The following SLC38A11 variants were observed in gnomAD, a reference collection of about 807,000 sequenced individuals.
The protein encoded by SLC38A11 is putative sodium-coupled neutral amino acid transporter 11.
In SLC38A11, 51 loss-of-function variants were observed where a neutral mutation model predicts 49.4. That is an observed-to-expected ratio of 1.03 (90% CI 0.83 to 1.30). The LOEUF (loss-of-function observed/expected upper bound fraction) is 1.30, where lower values mean the gene tolerates loss of function less well. SLC38A11 is among the 50% of genes most tolerant of loss of function. The probability of loss-of-function intolerance (pLI) is 0.00; values close to 1 mark genes in which losing one functional copy is unlikely to be tolerated. For synonymous variants in SLC38A11, 203 were observed against 192.9 expected (o/e 1.05, Z -0.43); for missense variants, 574 against 556.2 (o/e 1.03, Z -0.32).
chr2:164,907,326 T>G (rs1298522374), intron 11 of SLC38A11, among the ~76,000 whole-genome samples: 3 of 141,576 alleles, frequency 2.1e-5, no homozygotes, highest in Non-Finnish European at 3.0e-5. Context: ...CAGGCTGGAG[T>G]GCAGTGGTGC....
At chr2:164,899,164 A>C (rs912900820) in intron 11 of SLC38A11, among the ~76,000 whole-genome samples, 5 of 152,140 alleles carry the variant, frequency 3.3e-5, no homozygotes, top group African/African-American at 4.8e-5. Flanking sequence ...AATTTTGGGA[A>C]ATTGTATAGG....
intron 3 of SLC38A11, among the ~76,000 whole-genome samples, chr2:164,945,961 C>A (rs1213638526): frequency 6.6e-6 from 1 of 152,232 alleles, no homozygotes; most frequent in African/African-American, 2.4e-5. Context: ...TTAACATACC[C>A]ATGCAAAGAA....
At chr2:164,908,954 A>G (rs1685212022) in intron 10 of SLC38A11, among the ~76,000 whole-genome samples, 183 bp from the exon 11 acceptor site, 2 of 152,186 alleles carry the variant, frequency 1.3e-5, no homozygotes, top group East Asian at 1.9e-4. Flanking sequence ...ACACATATCA[A>G]TAACAAGTAT....
chr2:164,908,054 A>G (rs1262487178), intron 11 of SLC38A11: 2 of 152,188 alleles, frequency 1.3e-5, no homozygotes, highest in Non-Finnish European at 2.9e-5. Context: ...GAGGACTTCT[A>G]TTTGGTTGAT....
chr2:164,944,849 C>T (rs10930141), intron 4 of SLC38A11, among the ~76,000 whole-genome samples: 59,811 of 151,928 alleles, frequency 0.39, 12,963 homozygotes, highest in South Asian at 0.69. Flanking sequence ...TTTCTCTTTA[C>T]AAGTTGATTC....
In SLC38A11 at chr2:164,909,690, A is replaced by G. The variant is rs1287776487; in HGVS notation, c.964-919T>C. ...AAAGAGCAAAGAGGTAATAACAGGA[A>G]CAATACCTATGGAGGATAAAGAGAA... On this transcript the variant is annotated intron_variant, in intron 10 of 11. Coordinates refer to ENST00000685975, the MANE Select transcript of SLC38A11 (RefSeq NM_001351537.2). 2.6e-5 allele frequency among the ~76,000 whole-genome samples: 4 copies of G among 151,940 alleles called. No individual in the cohort carries two copies. In the East Asian group the frequency reaches 5.8e-4, roughly 22 times the overall value.
intron 7 of SLC38A11, among the ~76,000 whole-genome samples, chr2:164,926,185 A>T (rs1427134763): frequency 6.6e-6 from 1 of 152,168 alleles, no homozygotes; most frequent in Non-Finnish European, 1.5e-5. Flanking sequence ...AGAGAAGTCC[A>T]ATTAAAATTG....
chr2:164,932,237 A>G (rs957888273), intron 7 of SLC38A11, among the ~76,000 whole-genome samples: 4 of 152,132 alleles, frequency 2.6e-5, no homozygotes, highest in African/African-American at 9.6e-5. Context: ...CACAATGGCT[A>G]TTATTTAAAA....
intron 9 of SLC38A11, 151 bp from the exon 10 acceptor site, chr2:164,911,899 A>G (rs1339160097): frequency 2.1e-6 from 1 of 484,496 alleles, no homozygotes; most frequent in African/African-American, 2.0e-5. Context: ...ATATTTTTCT[A>G]TGTTTAGATA....
At chr2:164,952,658 T>C in intron 3 of SLC38A11, 49 bp downstream of exon 3, 1 of 1,169,938 alleles carries the variant, frequency 8.5e-7, no homozygotes, top group Non-Finnish European at 1.3e-6. Context: ...ATGTGTGTAG[T>C]TATTGCACAG....
chr2:164,901,602 T>C (rs767997805), intron 11 of SLC38A11, among the ~76,000 whole-genome samples: 2 of 152,206 alleles, frequency 1.3e-5, no homozygotes, highest in Non-Finnish European at 2.9e-5. Flanking sequence ...TGTATGTTGG[T>C]TTTATATCCT....
chr2:164,947,854 C>T (rs1688244644), intron 3 of SLC38A11, among the ~76,000 whole-genome samples: 1 of 152,062 alleles, frequency 6.6e-6, no homozygotes, highest in Non-Finnish European at 1.5e-5. Context: ...TATGGTAGAG[C>T]TTTGGCCTTC....
chr2:164,923,821 G>T (rs930315895), intron 7 of SLC38A11, among the ~76,000 whole-genome samples: 3 of 151,532 alleles, frequency 2.0e-5, no homozygotes, highest in African/African-American at 7.3e-5. Flanking sequence ...AAAAACAAAT[G>T]TTAGTGGGGC....
intron 7 of SLC38A11, among the ~76,000 whole-genome samples, chr2:164,921,322 T>C (rs985375956): frequency 2.0e-5 from 3 of 152,156 alleles, no homozygotes; most frequent in Non-Finnish European, 4.4e-5. Flanking sequence ...TAATAAATTT[T>C]ATTTTATTTT....
At chr2:164,937,009 T>C (rs964333002) in intron 7 of SLC38A11, among the ~76,000 whole-genome samples, 12 of 152,182 alleles carry the variant, frequency 7.9e-5, no homozygotes, top group Non-Finnish European at 1.8e-4. Flanking sequence ...ACATCCACTA[T>C]ATCTCTTATT....
chr2:164,933,189 T>C (rs1433146692), intron 7 of SLC38A11, among the ~76,000 whole-genome samples: 4 of 152,102 alleles, frequency 2.6e-5, no homozygotes, highest in Non-Finnish European at 5.9e-5. Flanking sequence ...GACTGCATGT[T>C]ATAATTTCCA....
At chr2:164,911,461 A>C (rs1219063200) in intron 10 of SLC38A11, among the ~76,000 whole-genome samples, 175 bp downstream of exon 10, 1 of 152,096 alleles carries the variant, frequency 6.6e-6, no homozygotes, top group Non-Finnish European at 1.5e-5. Context: ...TAAACATCTG[A>C]ATATAAATTC....
In SLC38A11 at chr2:164,898,967, C is replaced by T. The variant is rs142431356; in HGVS notation, c.1096-237G>A. ...TGAAATAGTATAACAGCTTTTCAGA[C>T]TTAAGAAAATATTATCACAAAATAA... On this transcript the variant is annotated intron_variant, in intron 11 of 11. Transcript: ENST00000685975. Among the ~76,000 whole-genome samples the T allele has an allele frequency of 4.6e-3, 696 of 152,154 alleles. 3 individuals carry two copies. Among genetic ancestry groups the T allele is most frequent in the African/African-American group, 0.016 (662 of 41,536 alleles).
chr2:164,937,313 T>C, intron 7 of SLC38A11, 37 bp downstream of exon 7: 2 of 1,379,088 alleles, frequency 1.5e-6, no homozygotes, highest in Non-Finnish European at 2.1e-6. Flanking sequence ...GTGGAGGCTA[T>C]AAATCAAAGA....
Sources: gnomAD v4.1 joint callset for allele counts (sites outside exome capture counted in the v4.1 genomes callset) on GRCh38, gnomAD v4.1.1 for gene constraint, MANE v1.5 for transcripts, NCBI Gene and HGNC (gene_info 2026-07-23, HGNC 2026-07-21) for gene names.